SCAI: variants seen among roughly 807,000 people sequenced by gnomAD.
The protein encoded by SCAI is suppressor of cancer cell invasion, also known as protein SCAI.
A neutral mutation model predicts 92.2 loss-of-function variants in SCAI; 24 were observed. The ratio of observed to expected loss-of-function variants is 0.26; its 90% confidence interval spans 0.19 to 0.37. The LOEUF (loss-of-function observed/expected upper bound fraction) is 0.37. SCAI is among the 10% of genes least tolerant of loss of function. SCAI has a pLI of 1.00. For synonymous variants in SCAI, 261 were observed against 258.6 expected (o/e 1.01, Z -0.09); for missense variants, 450 against 736.2 (o/e 0.61, Z 4.50).
At chr9:125,031,540 C>T (rs1357207174) in intron 3 of SCAI, among the ~76,000 whole-genome samples, 1 of 152,068 alleles carries the variant, frequency 6.6e-6, no homozygotes, top group Non-Finnish European at 1.5e-5. Context: ...TAAGCCACCA[C>T]GCCCGGCCAC....
chr9:125,106,117 AAAAAAATATATATAT>A (rs1456115282), intron 2 of SCAI, among the ~76,000 whole-genome samples: 1 of 60,964 alleles, frequency 1.6e-5, no homozygotes, highest in African/African-American at 6.0e-5. Context: ...AAAAAAAAAA[AAAAAAATATATATAT>A]ATATATATAT....
intron 13 of SCAI, among the ~76,000 whole-genome samples, chr9:124,999,068 A>C (rs1028809216): frequency 1.3e-5 from 2 of 152,136 alleles, no homozygotes; most frequent in Admixed American, 6.6e-5. Flanking sequence ...ATTTACAATG[A>C]TTATTTTTCA....
intron 2 of SCAI, among the ~76,000 whole-genome samples, chr9:125,138,508 G>A (rs558200037): frequency 3.3e-5 from 5 of 152,014 alleles, no homozygotes; most frequent in South Asian, 4.2e-4. Context: ...TTTGCCTCCC[G>A]GGTTCACGTC....
intron 2 of SCAI, among the ~76,000 whole-genome samples, chr9:125,098,338 T>G (rs890452375): frequency 6.6e-6 from 1 of 152,096 alleles, no homozygotes; most frequent in Admixed American, 6.6e-5. Flanking sequence ...ATTACAGGTG[T>G]GAGCCATCAT....
intron 9 of SCAI, among the ~76,000 whole-genome samples, chr9:125,013,288 C>A (rs1389865923): frequency 6.6e-6 from 1 of 151,752 alleles, no homozygotes; most frequent in Non-Finnish European, 1.5e-5. Flanking sequence ...GCTAGCAAGA[C>A]TAATAAAGAA....
intron 17 of SCAI, among the ~76,000 whole-genome samples, chr9:124,963,913 G>C (rs1271616755): frequency 1.3e-5 from 2 of 151,998 alleles, no homozygotes; most frequent in Non-Finnish European, 2.9e-5. Flanking sequence ...GGTTGGTCTT[G>C]CTGTCTCAGG....
Position 124,952,704 on chromosome 9 carries a change from A to C in SCAI, c.*103T>G. On this transcript the variant is annotated 3_prime_UTR_variant, in exon 18 of 18. Transcript: ENST00000336505. The stretch of plus-strand genomic sequence containing the variant: ...TAAAATGGTGGCCCTAAATTAAAAA[A>C]TAAAAACTAAGTAACACCACTATGT... The C allele has an allele frequency of 1.1e-6, 1 of 886,502 alleles. No individual in the cohort carries two copies. The highest frequency in any genetic ancestry group is 2.8e-5 in the East Asian group (1 of 35,380). 54.9% of individuals were successfully genotyped at this position (886,502 alleles called of 1,614,324 possible).
intron 3 of SCAI, among the ~76,000 whole-genome samples, chr9:125,053,694 G>A (rs1011258753): frequency 6.6e-5 from 10 of 152,120 alleles, no homozygotes; most frequent in African/African-American, 2.2e-4. Flanking sequence ...AATAGGAACC[G>A]GATTTCTTTT....
chr9:125,010,548 C>A (rs572337223), intron 9 of SCAI, among the ~76,000 whole-genome samples: 13 of 152,358 alleles, frequency 8.5e-5, no homozygotes, highest in Middle Eastern at 3.4e-3. Context: ...CTGGGTCGAG[C>A]CTACCACGGC....
intron 15 of SCAI, chr9:124,974,120 G>A: frequency 3.0e-6 from 1 of 329,792 alleles, no homozygotes; most frequent in Non-Finnish European, 6.1e-6. Context: ...GCTCTGTGAA[G>A]AATGTAACTG....
intron 2 of SCAI, among the ~76,000 whole-genome samples, chr9:125,135,050 G>A (rs967757161): frequency 2.0e-5 from 3 of 152,052 alleles, no homozygotes; most frequent in Admixed American, 1.3e-4. Context: ...CATTATTTTG[G>A]ACAACCAAAC....
intron 17 of SCAI, among the ~76,000 whole-genome samples, chr9:124,969,282 TAAAAC>T (rs1270057260): frequency 6.6e-6 from 1 of 151,978 alleles, no homozygotes; most frequent in Non-Finnish European, 1.5e-5. Flanking sequence ...ATTATCATAA[TAAAAC>T]AGAAAGAAAT....
At chr9:125,106,112 AAAAAAAAAAAATATATATATATATAT>A in intron 2 of SCAI, among the ~76,000 whole-genome samples, 1 of 48,526 alleles carries the variant, frequency 2.1e-5, no homozygotes, top group South Asian at 8.1e-4. Flanking sequence ...AAAAAAAAAA[AAAAAAAAAAAATATATATATATATAT>A]ATATATATAT....
At position 125,131,187 on chromosome 9, in the gene SCAI, C is replaced by T. The variant is rs576867759; in HGVS notation, c.98+11446G>A. Among the ~76,000 whole-genome samples the T allele has an allele frequency of 1.1e-3, 169 of 151,372 alleles. 1 individual carries two copies. The highest frequency in any genetic ancestry group is 1.3e-3 in the Non-Finnish European group (86 of 67,794). Reference sequence around the variant, plus strand: ...TTGGGAGGCCGAGGCGGGTGGATCACCTAAGGTCAGGAGTTCAACACCAGC... The same window carrying T: ...TTGGGAGGCCGAGGCGGGTGGATCATCTAAGGTCAGGAGTTCAACACCAGC... On this transcript the variant is annotated intron_variant, in intron 2 of 17. Transcript: ENST00000336505.
At chr9:125,097,960 CTTA>C (rs1834594370) in intron 2 of SCAI, among the ~76,000 whole-genome samples, 2 of 150,294 alleles carry the variant, frequency 1.3e-5, no homozygotes, top group Admixed American at 6.6e-5. Context: ...TAAGAATATT[CTTA>C]TATGTATATA....
intron 2 of SCAI, among the ~76,000 whole-genome samples, chr9:125,059,267 T>C (rs1009476992): frequency 6.6e-6 from 1 of 152,194 alleles, no homozygotes; most frequent in African/African-American, 2.4e-5. Flanking sequence ...GGGGACATTC[T>C]ACAAAATAAC....
rs1463478063 is a variant in SCAI at position 124,944,122 on chromosome 9, C to CA, written c.*8684dup. 6.6e-6 allele frequency: 1 copy of CA among 151,894 alleles called. No individual in the cohort carries two copies. The highest frequency in any genetic ancestry group is 1.5e-5 in the Non-Finnish European group (1 of 67,952). 9.4% of individuals were successfully genotyped at this position (151,894 alleles called of 1,614,324 possible). On this transcript the variant is annotated 3_prime_UTR_variant, in exon 18 of 18. Coordinates refer to ENST00000336505, the MANE Select transcript of SCAI (RefSeq NM_001144877.3). ...AACAGCAAGGTTTATTAAAAATAAG[C>CA]AAAAAAGTTGGAGAACTAGCCATAT...
chr9:125,015,906 CATT>C (rs1832746884), intron 9 of SCAI, among the ~76,000 whole-genome samples: 1 of 151,542 alleles, frequency 6.6e-6, no homozygotes, highest in Non-Finnish European at 1.5e-5. Context: ...TGGAAATCAT[CATT>C]CTCAGTAAAC....
intron 2 of SCAI, among the ~76,000 whole-genome samples, chr9:125,063,522 G>A (rs1180903108): frequency 6.6e-6 from 1 of 151,186 alleles, no homozygotes; most frequent in Non-Finnish European, 1.5e-5. Context: ...TAATGATGAA[G>A]TCCATCAGAT....
Sources: allele counts gnomAD v4.1 joint callset (sites outside exome capture counted in the v4.1 genomes callset), GRCh38; gene constraint gnomAD v4.1.1; transcripts MANE v1.5; gene names NCBI Gene and HGNC (gene_info 2026-07-23, HGNC 2026-07-21).